Variants in DHRS3 observed in about 807,000 individuals in gnomAD.
The protein encoded by DHRS3 is short-chain dehydrogenase/reductase 3.
Under a neutral mutation model 27.2 loss-of-function variants are expected in DHRS3, and 14 were observed. That is an observed-to-expected ratio of 0.52 (90% confidence interval 0.34 to 0.81). The LOEUF is 0.81. Ranked by LOEUF, DHRS3 falls within the 30% of genes least tolerant of loss-of-function variation. The pLI is 0.01. For missense variants in DHRS3, 322 were observed against 406.2 expected, an observed-to-expected ratio of 0.79 and a Z score of 1.78; for synonymous variants, 165 against 175.9, an observed-to-expected ratio of 0.94 and a Z score of 0.49.
At chr1:12,611,837 A>G (rs1437355518) in intron 1 of DHRS3, among the ~76,000 whole-genome samples, 1 of 151,942 alleles carries the variant, frequency 6.6e-6, no homozygotes, top group East Asian at 1.9e-4. Flanking sequence ...CATACCTGTA[A>G]TCCCAGCACT....
chr1:12,578,709 C>T lies in DHRS3; in HGVS notation c.698+9G>A, dbSNP rs1260265524. 1 of 1,606,896 alleles carries T rather than the reference C, an allele frequency of 6.2e-7. No homozygotes were observed. The highest frequency in any genetic ancestry group is 1.1e-5 in the South Asian group (1 of 90,986). On this transcript the variant is annotated intron_variant, in intron 4 of 5. Coordinates refer to ENST00000616661, the MANE Select transcript of DHRS3 (RefSeq NM_004753.7). This position sits in a 1 kb window ranked among gnomAD's most constrained non-coding sequence, Gnocchi z 4.5. ...GGCTGGTCTCAAGGTGGGTCCCCTGCTCACTGACCTGACTCTCATGCCCTG... is the reference window on the plus strand; with the variant it reads ...GGCTGGTCTCAAGGTGGGTCCCCTGTTCACTGACCTGACTCTCATGCCCTG...
At chr1:12,602,999 G>A (rs1646845710) in intron 1 of DHRS3, among the ~76,000 whole-genome samples, 1 of 152,258 alleles carries the variant, frequency 6.6e-6, no homozygotes, top group South Asian at 2.1e-4. Context: ...GGAGGGCCAG[G>A]GAGAAGCCTC....
chr1:12,612,953 G>A (rs759746962), intron 1 of DHRS3, among the ~76,000 whole-genome samples: 1 of 152,040 alleles, frequency 6.6e-6, no homozygotes, highest in South Asian at 2.1e-4. Context: ...CCAGCTACTC[G>A]GAAGGCTGAG....
intron 1 of DHRS3, among the ~76,000 whole-genome samples, chr1:12,615,004 C>T (rs940709189): frequency 2.0e-5 from 3 of 152,156 alleles, no homozygotes; most frequent in Non-Finnish European, 2.9e-5. Context: ...CCCACTCCCT[C>T]GACACTTGAC....
rs554642842 is a variant in DHRS3, at chr1:12,617,420, C to G, written c.-72G>C. 5.4e-5 allele frequency: 80 copies of G among 1,491,750 alleles called. 1 individual carries two copies. In the African/African-American group the frequency reaches 1.0e-3, roughly 19 times the overall value. 92.4% of individuals were successfully genotyped at this position (1,491,750 alleles called of 1,614,324 possible). A position where few individuals can be genotyped will look rare whatever the true frequency, so the allele number is the denominator to read the frequency against. ...GCAATACAGGAATTAAAAAACACCC[C>G]GAACAATAAATAGTAAACCGAATAA... On this transcript the variant is annotated 5_prime_UTR_variant, in exon 1 of 6. Coordinates refer to ENST00000616661, the MANE Select transcript of DHRS3 (RefSeq NM_004753.7).
intron 5 of DHRS3, among the ~76,000 whole-genome samples, chr1:12,571,052 T>C (rs151260854): frequency 2.8e-3 from 434 of 152,328 alleles, no homozygotes; most frequent in Admixed American, 9.7e-3. Context: ...AGCCTGGCAC[T>C]TGGGGGCTTA....
chr1:12,579,210 C>A (rs748497504), intron 3 of DHRS3, 83 bp downstream of exon 3: 1 of 1,608,130 alleles, frequency 6.2e-7, no homozygotes, highest in South Asian at 1.1e-5. Context: ...TGAGCCCAAG[C>A]CCTGGCAAAT....
intron 1 of DHRS3, among the ~76,000 whole-genome samples, chr1:12,602,757 C>T (rs567808621): frequency 1.3e-4 from 20 of 152,356 alleles, no homozygotes; most frequent in Middle Eastern, 3.4e-3. Context: ...GAGGGTTGCT[C>T]GCCCAAGGTC....
intron 5 of DHRS3, 148 bp from the exon 6 acceptor site, chr1:12,568,572 C>T: frequency 1.4e-6 from 1 of 699,244 alleles, no homozygotes; most frequent in Non-Finnish European, 2.5e-6. Context: ...CAGTTTCTCC[C>T]CAAACCCCCA....
intron 1 of DHRS3, among the ~76,000 whole-genome samples, chr1:12,598,736 A>G (rs1646816380): frequency 6.6e-6 from 1 of 152,210 alleles, no homozygotes. Context: ...AGGGTTTCAG[A>G]TAAGGGTCTG....
chr1:12,577,823 A>G (rs1484043922), intron 4 of DHRS3, among the ~76,000 whole-genome samples: 1 of 152,210 alleles, frequency 6.6e-6, no homozygotes, highest in Non-Finnish European at 1.5e-5. Context: ...ACTCCATCTC[A>G]ATAAATAACT....
intron 1 of DHRS3, among the ~76,000 whole-genome samples, chr1:12,597,116 A>C (rs1219779503): frequency 6.6e-6 from 1 of 151,952 alleles, no homozygotes; most frequent in African/African-American, 2.4e-5. Flanking sequence ...TCACTCTGTC[A>C]CCCAGGCTGG....
chr1:12,581,643 C>G (rs182174101), intron 1 of DHRS3, among the ~76,000 whole-genome samples: 3 of 152,314 alleles, frequency 2.0e-5, no homozygotes, highest in Admixed American at 1.3e-4. Context: ...AGAAGAGAAG[C>G]CTGGCTAATT....
intron 1 of DHRS3, among the ~76,000 whole-genome samples, chr1:12,597,022 C>T (rs1646803106): frequency 2.0e-5 from 3 of 152,142 alleles, no homozygotes; most frequent in African/African-American, 4.8e-5. Flanking sequence ...CTACTTGGAC[C>T]TCATTAACTA....
intron 1 of DHRS3, among the ~76,000 whole-genome samples, chr1:12,613,214 C>G (rs1646921921): frequency 6.6e-6 from 1 of 152,174 alleles, no homozygotes; most frequent in Admixed American, 6.5e-5. Context: ...TTCCCGTAGT[C>G]TTTTGAGTGG....
At chr1:12,613,104 A>G (rs1212523618) in intron 1 of DHRS3, among the ~76,000 whole-genome samples, 1 of 151,536 alleles carries the variant, frequency 6.6e-6, no homozygotes, top group Non-Finnish European at 1.5e-5. Context: ...ACACACAGCA[A>G]GGAAGGCCAT....
chr1:12,588,807 C>G (rs1269172442), intron 1 of DHRS3, among the ~76,000 whole-genome samples: 1 of 152,242 alleles, frequency 6.6e-6, no homozygotes, highest in East Asian at 1.9e-4. Context: ...GCTGGGTGGT[C>G]TCTGGGTGCG....
At chr1:12,580,942 C>A (rs991051132) in intron 1 of DHRS3, among the ~76,000 whole-genome samples, 1 of 152,102 alleles carries the variant, frequency 6.6e-6, no homozygotes, top group Admixed American at 6.5e-5. Flanking sequence ...CCCATCCCAG[C>A]CTCCGGAGTG....
intron 4 of DHRS3, 67 bp from the exon 5 acceptor site, chr1:12,572,920 G>C: frequency 6.7e-7 from 1 of 1,494,354 alleles, no homozygotes; most frequent in South Asian, 1.3e-5. Flanking sequence ...AAGTCTTTAT[G>C]AGGCTGACAT....
Sources: allele counts gnomAD v4.1 joint callset (sites outside exome capture counted in the v4.1 genomes callset), GRCh38; gene constraint gnomAD v4.1.1; non-coding constraint Gnocchi (gnomAD v3.1); transcripts MANE v1.5; gene names NCBI Gene and HGNC (gene_info 2026-07-23, HGNC 2026-07-21).